The following FOXP2 variants were observed in gnomAD, a reference collection of about 807,000 sequenced individuals.
The protein encoded by FOXP2 is forkhead box protein P2.
FOXP2 carries 12 observed loss-of-function variants against 115.8 expected under a neutral mutation model. The observed-to-expected ratio is 0.10, with a 90% confidence interval of 0.07 to 0.17. The LOEUF (loss-of-function observed/expected upper bound fraction) is 0.17. FOXP2 is among the 10% of genes least tolerant of loss of function. The pLI is 1.00. For synonymous variants in FOXP2, 328 were observed against 297.7 expected, an observed-to-expected ratio of 1.10 and a Z score of -1.05; for missense variants, 629 against 843.5, an observed-to-expected ratio of 0.75 and a Z score of 3.15.
intron 2 of FOXP2, among the ~76,000 whole-genome samples, chr7:114,327,615 C>T (rs1797591816): frequency 6.6e-6 from 1 of 151,886 alleles, no homozygotes; most frequent in East Asian, 1.9e-4. Flanking sequence ...GATTCTCCTG[C>T]CTCAGCCTCC....
Position 114,426,563 on chromosome 7 carries a change from A to G in FOXP2, c.52A>G (p.Asn18Asp), listed in dbSNP as rs763263115. The G allele has an allele frequency of 1.5e-5, 24 of 1,611,430 alleles. No homozygotes were observed. Among genetic ancestry groups the G allele is most frequent in the Non-Finnish European group, 1.9e-5 (22 of 1,178,360 alleles). Residue 18 changes from asparagine (N) to aspartate (D), a missense_variant, in exon 2 of 17, where the codon AAT becomes GAT. Asn to Asp is a conservative substitution (Grantham distance 23). This residue lies in a region of FOXP2 where 91 missense variants were observed against 98.3 expected (regional missense o/e 0.93). Coordinates refer to ENST00000350908, the MANE Select transcript of FOXP2 (RefSeq NM_014491.4). ...ETISNSSMNQ[N>D]GMSTLSSQLD... is the part of the protein sequence containing the mutation. ...AATAAGCAACAGTTCAATGAATCAA[A>G]ATGGAATGAGCACTCTAAGCAGCCA...
chr7:114,414,992 T>A lies in FOXP2; in HGVS notation c.-379T>A, dbSNP rs1253232987. On this transcript the variant is annotated 5_prime_UTR_variant, in exon 1 of 17. Coordinates refer to ENST00000350908, the MANE Select transcript of FOXP2 (RefSeq NM_014491.4). Reference sequence around the variant, plus strand: ...GAAAGATTATGGTAAGCATGCTGGCTCAGTCTTGAACCTTTGTCACCCCTC... The same window carrying A: ...GAAAGATTATGGTAAGCATGCTGGCACAGTCTTGAACCTTTGTCACCCCTC... 3 of 437,256 alleles carry A rather than the reference T, an allele frequency of 6.9e-6. No homozygotes were observed. Among genetic ancestry groups the A allele is most frequent in the African/African-American group, 6.0e-5 (3 of 49,602 alleles). 27.1% of individuals were successfully genotyped at this position (437,256 alleles called of 1,614,324 possible). A position where few individuals can be genotyped will look rare whatever the true frequency, so the allele number is the denominator to read the frequency against.
chr7:114,543,728 T>G (rs1030665586), intron 3 of FOXP2, among the ~76,000 whole-genome samples: 1 of 152,150 alleles, frequency 6.6e-6, no homozygotes, highest in Admixed American at 6.5e-5. Flanking sequence ...ACTGCACAGG[T>G]GCAATGTCTA....
At chr7:114,398,756 T>C (rs1269783383) in intron 2 of FOXP2, among the ~76,000 whole-genome samples, 1 of 152,214 alleles carries the variant, frequency 6.6e-6, no homozygotes, top group Non-Finnish European at 1.5e-5. Context: ...GGAGTAATAG[T>C]GTAGGACTCT....
intron 2 of FOXP2, chr7:114,297,185 T>C (rs1796760927): frequency 6.0e-6 from 3 of 498,228 alleles, no homozygotes; most frequent in African/African-American, 4.0e-5. Context: ...CCTCTTGGCG[T>C]GGATGTGTCC....
chr7:114,203,635 T>C (rs1028270859), intron 1 of FOXP2, among the ~76,000 whole-genome samples: 2 of 152,142 alleles, frequency 1.3e-5, no homozygotes, highest in African/African-American at 2.4e-5. Flanking sequence ...TGAGCCACCA[T>C]GCCTGGCAGC....
chr7:114,553,769 T>G (rs1800323900), intron 3 of FOXP2, among the ~76,000 whole-genome samples: 1 of 152,140 alleles, frequency 6.6e-6, no homozygotes. Flanking sequence ...AAAGTTCTGT[T>G]TATTAAATTT....
chr7:114,239,136 T>C (rs955407891), intron 1 of FOXP2, among the ~76,000 whole-genome samples: 1 of 151,876 alleles, frequency 6.6e-6, no homozygotes, highest in Non-Finnish European at 1.5e-5. Flanking sequence ...TGGATTAACT[T>C]ACAATCACAA....
intron 2 of FOXP2, among the ~76,000 whole-genome samples, chr7:114,457,371 G>T (rs1455368131): frequency 6.6e-6 from 1 of 151,584 alleles, no homozygotes; most frequent in Non-Finnish European, 1.5e-5. Flanking sequence ...TAAAGGTTAA[G>T]TTCTCTACTT....
At chr7:114,346,326 C>A (rs1198454554) in intron 2 of FOXP2, among the ~76,000 whole-genome samples, 1 of 151,576 alleles carries the variant, frequency 6.6e-6, no homozygotes, top group Non-Finnish European at 1.5e-5. Context: ...TTTGCAATAG[C>A]CATGATATAG....
intron 1 of FOXP2, among the ~76,000 whole-genome samples, chr7:114,184,231 G>A (rs1414515611): frequency 1.3e-5 from 2 of 152,034 alleles, no homozygotes; most frequent in Non-Finnish European, 2.9e-5. Context: ...CCATTTCTGA[G>A]TTGGTTATTT....
intron 16 of FOXP2, among the ~76,000 whole-genome samples, chr7:114,682,930 G>A (rs1226615862): frequency 6.6e-6 from 1 of 152,030 alleles, no homozygotes; most frequent in East Asian, 1.9e-4. Flanking sequence ...TTATTTTCTG[G>A]AATGTTGAAA....
rs1194679640 is a variant in FOXP2, at chr7:114,663,428, C to A, written c.1770-22C>A. On this transcript the variant is annotated intron_variant, in intron 14 of 16. Coordinates refer to ENST00000350908, the MANE Select transcript of FOXP2 (RefSeq NM_014491.4). ...TTTTATATTTTGACGTATAAATGAT[C>A]TTTATATATTTTTTTTTTCAGAAGT... 7 of 1,473,306 alleles carry A rather than the reference C, an allele frequency of 4.8e-6. No homozygotes were observed. The Admixed American group carries it at 1.2e-4, about 25-fold the overall frequency. The allele number at this position is 1,473,306 out of a possible 1,614,324, so 91.3% of individuals were successfully genotyped here.
chr7:114,129,870 A>G (rs1486078672), intron 1 of FOXP2, among the ~76,000 whole-genome samples: 1 of 152,232 alleles, frequency 6.6e-6, no homozygotes, highest in Non-Finnish European at 1.5e-5. Context: ...ATCAGGTACT[A>G]CAGAAAAGAT....
At chr7:114,278,027 A>G (rs1415292381) in intron 1 of FOXP2, among the ~76,000 whole-genome samples, 2 of 30,400 alleles carry the variant, frequency 6.6e-5, no homozygotes, top group East Asian at 2.2e-3. Flanking sequence ...ACCTTGTCTA[A>G]AAAAAAAAAA....
At chr7:114,113,174 T>C (rs559424852) in intron 1 of FOXP2, among the ~76,000 whole-genome samples, 1 of 152,236 alleles carries the variant, frequency 6.6e-6, no homozygotes, top group South Asian at 2.1e-4. Flanking sequence ...GTAATTGGTG[T>C]TCACGAACAT....
chr7:114,480,534 C>T (rs955391590), intron 2 of FOXP2, among the ~76,000 whole-genome samples: 1 of 150,032 alleles, frequency 6.7e-6, no homozygotes, highest in African/African-American at 2.4e-5. Context: ...TATATATGCA[C>T]ACACACATAG....
intron 3 of FOXP2, among the ~76,000 whole-genome samples, chr7:114,562,374 C>T (rs1230266417): frequency 6.6e-6 from 1 of 152,106 alleles, no homozygotes. Context: ...TTCTAGCCTT[C>T]ACTGTACCCT....
Position 114,123,364 on chromosome 7 carries a change from A to AG in FOXP2, c.-247+35526_-247+35527insG, listed in dbSNP as rs112738526. ...GCAAAGCCCTGTCAAAAAAAAAAAA[A>AG]AAAGAAAGAAAGAAAGAAAAGCAAC... On this transcript the variant is annotated intron_variant, in intron 1 of 19. Coordinates refer to the FOXP2 transcript ENST00000635638. 3.4e-4 allele frequency among the ~76,000 whole-genome samples: 52 copies of AG among 151,214 alleles called. No homozygotes were observed. In the South Asian group the frequency reaches 4.4e-3, roughly 13 times the overall value.
Sources: allele counts gnomAD v4.1 joint callset (sites outside exome capture counted in the v4.1 genomes callset), GRCh38; gene constraint gnomAD v4.1.1; regional missense constraint gnomAD v4.1.1; transcripts MANE v1.5; gene names NCBI Gene and HGNC (gene_info 2026-07-23, HGNC 2026-07-21).